SRPK1: variants seen among roughly 807,000 people sequenced by gnomAD.
SRPK1 encodes the protein SRSF protein kinase 1, also known as SFRS protein kinase 1.
Under a neutral mutation model 89.5 loss-of-function variants are expected in SRPK1, and 52 were observed. The observed-to-expected ratio is 0.58, with a 90% CI of 0.46 to 0.73. SRPK1 has a LOEUF of 0.73. Ranked by LOEUF, SRPK1 falls within the 30% of genes least tolerant of loss-of-function variation. The pLI is 0.00. For synonymous variants in SRPK1, 255 were observed against 270.2 expected (o/e 0.94, Z 0.55); for missense variants, 603 against 780.6 (o/e 0.77, Z 2.71).
At chr6:35,893,956 A>T (rs1770575724) in intron 2 of SRPK1, among the ~76,000 whole-genome samples, 1 of 152,146 alleles carries the variant, frequency 6.6e-6, no homozygotes, top group Non-Finnish European at 1.5e-5. Flanking sequence ...GGTTGCAATG[A>T]GCCGAGATCA....
chr6:35,880,112 G>A lies in SRPK1; in HGVS notation c.479-5773C>T, dbSNP rs111644055. Among the ~76,000 whole-genome samples, 1,176 of 146,192 alleles carry A rather than the reference G, an allele frequency of 8.0e-3. 12 individuals carry two copies. Among genetic ancestry groups the A allele is most frequent in the Non-Finnish European group, 0.013 (872 of 66,670 alleles). On this transcript the variant is annotated intron_variant, in intron 6 of 15. Coordinates refer to ENST00000373825, the MANE Select transcript of SRPK1 (RefSeq NM_003137.5). ...AAAAAAGCTCAAAGAACAAAAGGAAGATGTGGAGAAAGTCAAGAAAACAAT... is the reference window on the plus strand; with the variant it reads ...AAAAAAGCTCAAAGAACAAAAGGAAAATGTGGAGAAAGTCAAGAAAACAAT...
chr6:35,884,574 T>C (rs1447599546), intron 6 of SRPK1, among the ~76,000 whole-genome samples: 5 of 151,788 alleles, frequency 3.3e-5, no homozygotes, highest in African/African-American at 9.7e-5. Context: ...TAGTAAATAA[T>C]GCAGGAGCAA....
At chr6:35,837,761 C>T (rs1769213370) in intron 15 of SRPK1, among the ~76,000 whole-genome samples, 1 of 151,886 alleles carries the variant, frequency 6.6e-6, no homozygotes, top group Admixed American at 6.6e-5. Flanking sequence ...TTTTCCTGTG[C>T]TGCCCAGGCT....
intron 2 of SRPK1, among the ~76,000 whole-genome samples, chr6:35,902,958 C>G (rs1163177357): frequency 1.3e-5 from 2 of 152,114 alleles, no homozygotes; most frequent in Non-Finnish European, 1.5e-5. Context: ...AAAAAATGTT[C>G]ATAAGCTGAA....
chr6:35,861,951 C>T (rs772933510), intron 12 of SRPK1, among the ~76,000 whole-genome samples: 2 of 152,152 alleles, frequency 1.3e-5, no homozygotes, highest in Non-Finnish European at 2.9e-5. Context: ...GCTGCAACTG[C>T]CACCCAGCTG....
At chr6:35,838,508 C>T in intron 14 of SRPK1, 79 bp from the exon 15 acceptor site, 1 of 1,351,594 alleles carries the variant, frequency 7.4e-7, no homozygotes, top group Non-Finnish European at 1.0e-6. Context: ...TAGAAAACAG[C>T]AGAAGGAGCA....
chr6:35,882,103 ATAGTAGTAGTAGTAC>A (rs1397620786), intron 6 of SRPK1, among the ~76,000 whole-genome samples: 4 of 132,790 alleles, frequency 3.0e-5, no homozygotes, highest in South Asian at 2.4e-4. Flanking sequence ...AGTAGTAGCA[ATAGTAGTAGTAGTAC>A]TAGTAGTAGT....
At chr6:35,841,596 G>A (rs1280848143) in intron 14 of SRPK1, among the ~76,000 whole-genome samples, 1 of 152,132 alleles carries the variant, frequency 6.6e-6, no homozygotes, top group Admixed American at 6.5e-5. Context: ...CACTTTGGGA[G>A]GCTGAAGTGG....
chr6:35,849,693 C>T (rs145960074), intron 13 of SRPK1, among the ~76,000 whole-genome samples: 400 of 152,182 alleles, frequency 2.6e-3, no homozygotes, highest in African/African-American at 8.7e-3. Flanking sequence ...TGACATGACA[C>T]GCAAAGGAAA....
chr6:35,871,435 A>G (rs1241597351), intron 8 of SRPK1, among the ~76,000 whole-genome samples: 3 of 152,246 alleles, frequency 2.0e-5, no homozygotes, highest in Non-Finnish European at 4.4e-5. Flanking sequence ...TATTAGTATA[A>G]TAACTGTGGT....
chr6:35,888,048 T>C lies in SRPK1; in HGVS notation c.366A>G (p.Leu122=). The change falls in exon 5 of 16, where the codon CTA becomes CTG. Residue 122 remains leucine, a synonymous_variant. Coordinates refer to ENST00000373825, the MANE Select transcript of SRPK1 (RefSeq NM_003137.5). ...CTGACTTCAGCAACCGGATTTCATC[T>C]AGTGCTGTTTCAGTGTAATGTTCAG... The part of the protein sequence containing the change: ...KSAEHYTETA[L]DEIRLLKSVR... 6.2e-7 allele frequency: 1 copy of C among 1,605,052 alleles called. No homozygotes were observed. The highest frequency in any genetic ancestry group is 1.3e-5 in the African/African-American group (1 of 74,680).
At chr6:35,911,109 C>T (rs755643046) in intron 2 of SRPK1, among the ~76,000 whole-genome samples, 2 of 152,266 alleles carry the variant, frequency 1.3e-5, no homozygotes, top group East Asian at 1.9e-4. Context: ...CAATAGCTAC[C>T]ATAGTGATTC....
intron 7 of SRPK1, 117 bp downstream of exon 7, chr6:35,874,116 C>G (rs1770103671): frequency 2.5e-6 from 2 of 788,334 alleles, no homozygotes; most frequent in Non-Finnish European, 4.0e-6. Flanking sequence ...AATGAGCCAC[C>G]ACACCCGGCC....
intron 10 of SRPK1, 149 bp from the exon 11 acceptor site, chr6:35,870,050 G>C (rs1443291310): frequency 2.2e-5 from 23 of 1,038,272 alleles, no homozygotes; most frequent in Non-Finnish European, 3.1e-5. Flanking sequence ...TTCCGGAAGG[G>C]CCAAGATCTT....
At chr6:35,904,181 T>C (rs1026851965) in intron 2 of SRPK1, among the ~76,000 whole-genome samples, 1 of 152,174 alleles carries the variant, frequency 6.6e-6, no homozygotes, top group Non-Finnish European at 1.5e-5. Context: ...ATCTGAAAAT[T>C]AAGTGTATTC....
chr6:35,908,995 G>A (rs954702772), intron 2 of SRPK1, among the ~76,000 whole-genome samples: 10 of 152,230 alleles, frequency 6.6e-5, no homozygotes, highest in African/African-American at 2.4e-4. Context: ...CTGCAGGGGT[G>A]GAGCCCTCAT....
intron 14 of SRPK1, chr6:35,838,822 C>A: frequency 7.3e-7 from 1 of 1,368,160 alleles, no homozygotes; most frequent in Non-Finnish European, 9.8e-7. Context: ...GTAAGAAGAA[C>A]AGATCAAGGA....
intron 6 of SRPK1, among the ~76,000 whole-genome samples, chr6:35,885,553 C>A (rs1207902809): frequency 6.6e-6 from 1 of 152,130 alleles, no homozygotes; most frequent in Non-Finnish European, 1.5e-5. Context: ...CTACATGAAA[C>A]TAGTCATATG....
intron 14 of SRPK1, 133 bp downstream of exon 14, chr6:35,842,402 T>C: frequency 1.9e-6 from 1 of 536,882 alleles, no homozygotes; most frequent in South Asian, 6.3e-5. Context: ...GTCTTTTATA[T>C]TTCTAACTTT....
Sources: gnomAD v4.1 joint callset for allele counts (sites outside exome capture counted in the v4.1 genomes callset) on GRCh38, gnomAD v4.1.1 for gene constraint, MANE v1.5 for transcripts, NCBI Gene and HGNC (gene_info 2026-07-23, HGNC 2026-07-21) for gene names.